The following MLH3 variants were observed in gnomAD, a reference collection of about 807,000 sequenced individuals.
MLH3 encodes the protein DNA mismatch repair protein Mlh3.
Under a neutral mutation model 122.2 loss-of-function variants are expected in MLH3, and 82 were observed. The observed-to-expected ratio is 0.67, with a 90% CI of 0.56 to 0.81. The LOEUF (loss-of-function observed/expected upper bound fraction) is 0.81, where lower values mean the gene tolerates loss of function less well. Ranked by LOEUF, MLH3 falls within the 30% of genes least tolerant of loss-of-function variation. The pLI is 0.00. For synonymous variants in MLH3, 524 were observed against 599.5 expected (o/e 0.87, Z 1.84); for missense variants, 1,539 against 1,714.5 (o/e 0.90, Z 1.81).
At chr14:75,034,473 T>C (rs1462569901) in intron 6 of MLH3, among the ~76,000 whole-genome samples, 2 of 152,286 alleles carry the variant, frequency 1.3e-5, no homozygotes, top group East Asian at 3.9e-4. Context: ...ATTTCTGTCA[T>C]GCCTACTCAA....
At chr14:75,017,674 C>T (rs1205891818) in intron 12 of MLH3, among the ~76,000 whole-genome samples, 2 of 152,168 alleles carry the variant, frequency 1.3e-5, no homozygotes, top group Non-Finnish European at 2.9e-5. Context: ...GGACTCAGAA[C>T]TTTAAGTCTA....
At chr14:75,022,950 G>A (rs747615312) in intron 10 of MLH3, 45 bp downstream of exon 10, 1 of 1,613,740 alleles carries the variant, frequency 6.2e-7, no homozygotes, top group South Asian at 1.1e-5. Flanking sequence ...AGCCTTTTAT[G>A]TGTGGTGCTT....
chr14:75,035,092 GAA>G (rs1355541269), intron 6 of MLH3, among the ~76,000 whole-genome samples: 1 of 108,844 alleles, frequency 9.2e-6, no homozygotes, highest in African/African-American at 3.3e-5. Context: ...AAAAAGTAAA[GAA>G]AAAAAGAGAA....
In MLH3 at chr14:75,035,157, A is replaced by T. The variant is rs1041555364; in HGVS notation, c.3644-1667T>A. ...CAACATCTGCAGATTTTGTAGTTAC[A>T]CCCATCTTGAGTATCATTAGTAGAG... On this transcript the variant is annotated intron_variant, in intron 6 of 12. Coordinates refer to ENST00000355774, the MANE Select transcript of MLH3 (RefSeq NM_001040108.2). Among the ~76,000 whole-genome samples the T allele has an allele frequency of 1.3e-4, 20 of 151,812 alleles. No individual in the cohort carries two copies. In the East Asian group the frequency reaches 3.7e-3, roughly 28 times the overall value.
rs764429890 is a variant in MLH3, at chr14:75,046,693, A to G, written c.2963T>C (p.Ile988Thr). 2 of 1,614,144 alleles carry G rather than the reference A, an allele frequency of 1.2e-6. No individual in the cohort carries two copies. Among genetic ancestry groups the G allele is most frequent in the Non-Finnish European group, 1.7e-6 (2 of 1,179,970 alleles). Residue 988 changes from isoleucine (I) to threonine (T), a missense_variant, in exon 2 of 13, where the codon ATC becomes ACC. By Grantham distance (89) the Ile-to-Thr change is moderately conservative (BLOSUM62 -1). Coordinates refer to ENST00000355774, the MANE Select transcript of MLH3 (RefSeq NM_001040108.2). ...TCCTATCTGTTGTTCTGAGGCTCTG[A>G]TAAGAACATCTGAATCTTTACCGGT... is the stretch of plus-strand genomic sequence containing the variant. ...KVTGKDSDVL[I>T]RASEQQIGSL...
rs1280032182 is a variant in MLH3 at position 75,035,158 on chromosome 14, C to G, written c.3644-1668G>C. Reference sequence around the variant, plus strand: ...AACATCTGCAGATTTTGTAGTTACACCCATCTTGAGTATCATTAGTAGAGA... The same window carrying G: ...AACATCTGCAGATTTTGTAGTTACAGCCATCTTGAGTATCATTAGTAGAGA... On this transcript the variant is annotated intron_variant, in intron 6 of 12. Coordinates refer to ENST00000355774, the MANE Select transcript of MLH3 (RefSeq NM_001040108.2). 1.3e-4 allele frequency among the ~76,000 whole-genome samples: 20 copies of G among 151,296 alleles called. No homozygotes were observed. The East Asian group carries it at 3.7e-3, about 28-fold the overall frequency.
At chr14:75,040,041 T>C (rs1212808343) in intron 4 of MLH3, 26 bp from the exon 5 acceptor site, 1 of 1,219,700 alleles carries the variant, frequency 8.2e-7, no homozygotes, top group South Asian at 1.2e-5. Flanking sequence ...AAAATATAAT[T>C]GAAATTTTAA....
At chr14:75,025,117 T>C (rs1187076568) in intron 9 of MLH3, among the ~76,000 whole-genome samples, 1 of 152,238 alleles carries the variant, frequency 6.6e-6, no homozygotes, top group Non-Finnish European at 1.5e-5. Context: ...TACGTCTTTT[T>C]TGTCTTAAAG....
chr14:75,048,921 G>C lies in MLH3; in HGVS notation c.735C>G (p.Tyr245Ter). 2.5e-6 allele frequency: 4 copies of C among 1,613,344 alleles called. No homozygotes were observed. The highest frequency in any genetic ancestry group is 3.4e-6 in the Non-Finnish European group (4 of 1,179,622). ...LSGYISSEAH[Y>*]NKNMQFLFVN... ...CAAACAAAAACTGCATATTCTTGTT[G>C]TAATGTGCTTCAGAGCTGATATAGC... The change falls in exon 2 of 13, where the codon TAC (tyrosine) becomes TAG (stop). Residue 245 changes from tyrosine (Y) to a stop codon, truncating the protein, a stop_gained. Coordinates refer to ENST00000355774, the MANE Select transcript of MLH3 (RefSeq NM_001040108.2). LOFTEE classifies it high-confidence loss of function.
Position 75,047,662 on chromosome 14 carries a change from TCTTTA to T in MLH3, c.1989_1993del (p.Ser663ArgfsTer22). ...TTTTTTGTTGGGCAATTGACCAGAT[TCTTTA>T]CTTAAAGTGCTGGCTAAATCTTTGA... On this transcript the variant is annotated frameshift_variant, in exon 2 of 13. Coordinates refer to ENST00000355774, the MANE Select transcript of MLH3 (RefSeq NM_001040108.2). LOFTEE classifies it high-confidence loss of function. 2 of 1,614,036 alleles carry T rather than the reference TCTTTA, an allele frequency of 1.2e-6. No individual in the cohort carries two copies. Among genetic ancestry groups the T allele is most frequent in the Non-Finnish European group, 1.7e-6 (2 of 1,179,960 alleles).
In MLH3 at chr14:75,046,211, C is replaced by T. The variant is rs112761502; in HGVS notation, c.3280+165G>A. ...AAAAAAAAAAAAAAGTAGTGTTGGA[C>T]GTAGCAAATCTTCATATAGCATGAA... is the stretch of plus-strand genomic sequence containing the variant. On this transcript the variant is annotated intron_variant, in intron 2 of 12. Transcript: ENST00000355774. Among the ~76,000 whole-genome samples, 3,007 of 150,068 alleles carry T rather than the reference C, an allele frequency of 0.02. 66 individuals are homozygous for T. The highest frequency in any genetic ancestry group is 0.049 in the African/African-American group (1,984 of 40,774).
intron 9 of MLH3, among the ~76,000 whole-genome samples, chr14:75,027,729 G>A (rs1347246110): frequency 1.4e-5 from 2 of 144,928 alleles, no homozygotes; most frequent in Non-Finnish European, 3.0e-5. Flanking sequence ...GATGCAAGAG[G>A]CAATGGTGAA....
chr14:75,023,042 C>T (rs889240643), intron 9 of MLH3, 24 bp from the exon 10 acceptor site: 1 of 1,614,038 alleles, frequency 6.2e-7, no homozygotes. Flanking sequence ...GGAAAATCGG[C>T]TTTAATCTAC....
intron 9 of MLH3, among the ~76,000 whole-genome samples, chr14:75,026,904 G>C (rs532071675): frequency 5.3e-5 from 8 of 152,190 alleles, no homozygotes; most frequent in Non-Finnish European, 1.2e-4. Flanking sequence ...TTTGAGACCA[G>C]CCTGGCCAAC....
At chr14:75,030,095 A>C (rs1472954276) in intron 9 of MLH3, among the ~76,000 whole-genome samples, 1 of 152,316 alleles carries the variant, frequency 6.6e-6, no homozygotes, top group East Asian at 1.9e-4. Flanking sequence ...TCAAGGCTAC[A>C]GTGAGCTATG....
At position 75,039,845 on chromosome 14, in the gene MLH3, CCATATATATATATATATA is replaced by C. The variant is rs1891690262; in HGVS notation, c.3570+48_3570+65del. On this transcript the variant is annotated intron_variant, in intron 5 of 12. Transcript: ENST00000355774. ...TAAATCAAATTTTAGAAGAGTTAGG[CCATATATATATATATATA>C]TATATATATATATATATATTTATGA... The C allele has an allele frequency of 9.8e-5, 31 of 316,524 alleles. 1 individual carries two copies. The South Asian group carries it at 1.1e-3, about 11-fold the overall frequency. 19.6% of individuals were successfully genotyped at this position (316,524 alleles called of 1,614,324 possible). A position where few individuals can be genotyped will look rare whatever the true frequency, so the allele number is the denominator to read the frequency against.
chr14:75,040,278 T>C (rs1207849405), intron 4 of MLH3, among the ~76,000 whole-genome samples: 1 of 150,990 alleles, frequency 6.6e-6, no homozygotes, highest in Non-Finnish European at 1.5e-5. Flanking sequence ...TGAAACCCCA[T>C]CTCTACTAAA....
At chr14:75,041,325 A>G (rs1595072928) in intron 4 of MLH3, among the ~76,000 whole-genome samples, 1 of 152,092 alleles carries the variant, frequency 6.6e-6, no homozygotes, top group South Asian at 2.1e-4. Flanking sequence ...TGAGGCGGGC[A>G]GATCACCTGA....
At chr14:75,043,411 A>G (rs1031942666) in intron 2 of MLH3, among the ~76,000 whole-genome samples, 1 of 152,272 alleles carries the variant, frequency 6.6e-6, no homozygotes, top group African/African-American at 2.4e-5. Context: ...CTGCAACGTG[A>G]CAGCACCTAG....
Sources: allele counts gnomAD v4.1 joint callset (sites outside exome capture counted in the v4.1 genomes callset), GRCh38; gene constraint gnomAD v4.1.1; transcripts MANE v1.5; gene names NCBI Gene and HGNC (gene_info 2026-07-23, HGNC 2026-07-21).